Variants in UBE2R2 observed in about 807,000 individuals in gnomAD.
The protein encoded by UBE2R2 is ubiquitin-conjugating enzyme E2 R2.
In UBE2R2, 1 loss-of-function variant was observed where a neutral mutation model predicts 27.8. The ratio of observed to expected loss-of-function variants is 0.04; its 90% confidence interval spans 0.01 to 0.17. The LOEUF (loss-of-function observed/expected upper bound fraction) is 0.17, where lower values mean the gene tolerates loss of function less well. UBE2R2 is among the 10% of genes least tolerant of loss of function. The pLI, the probability that UBE2R2 is intolerant of heterozygous loss-of-function variation, is 1.00. For missense variants in UBE2R2, 100 were observed against 291.0 expected (o/e 0.34, Z 4.78); for synonymous variants, 106 against 113.3 (o/e 0.94, Z 0.41).
intron 2 of UBE2R2, among the ~76,000 whole-genome samples, chr9:33,893,201 A>G (rs763969489): frequency 5.9e-5 from 9 of 152,204 alleles, no homozygotes; most frequent in Non-Finnish European, 1.3e-4. Flanking sequence ...AAAATACACT[A>G]CATATGAAGT....
At position 33,871,837 on chromosome 9, in the gene UBE2R2, A is replaced by G. The variant is rs370574986; in HGVS notation, c.178-15044A>G. 8.5e-4 allele frequency among the ~76,000 whole-genome samples: 130 copies of G among 152,266 alleles called. 3 individuals carry two copies. In the South Asian group the frequency reaches 0.026, roughly 30 times the overall value. ...GCAATTCTCCAGCCTCAGCCTCCTGAGTAGCTGGGACTACAGGTGTGTGCC... is the reference window on the plus strand; with the variant it reads ...GCAATTCTCCAGCCTCAGCCTCCTGGGTAGCTGGGACTACAGGTGTGTGCC... On this transcript the variant is annotated intron_variant, in intron 1 of 4. Coordinates refer to ENST00000263228, the MANE Select transcript of UBE2R2 (RefSeq NM_017811.4).
intron 1 of UBE2R2, among the ~76,000 whole-genome samples, chr9:33,826,464 C>T (rs981589629): frequency 1.3e-5 from 2 of 151,044 alleles, no homozygotes; most frequent in Admixed American, 6.6e-5. Flanking sequence ...TTTGGGAGGC[C>T]GAGGCAGGCG....
chr9:33,875,284 G>A (rs1385790859), intron 1 of UBE2R2, among the ~76,000 whole-genome samples: 3 of 152,076 alleles, frequency 2.0e-5, no homozygotes, highest in African/African-American at 4.8e-5. Flanking sequence ...AATTTAGTTT[G>A]TTCAAATCAT....
At chr9:33,903,307 T>C (rs764057536) in intron 3 of UBE2R2, among the ~76,000 whole-genome samples, 13 of 152,202 alleles carry the variant, frequency 8.5e-5, no homozygotes, top group Non-Finnish European at 1.9e-4. Flanking sequence ...ATGATTCTGG[T>C]GCATGGATTT....
At chr9:33,883,774 A>G (rs1821787504) in intron 1 of UBE2R2, among the ~76,000 whole-genome samples, 1 of 151,886 alleles carries the variant, frequency 6.6e-6, no homozygotes, top group Non-Finnish European at 1.5e-5. Flanking sequence ...CTATCTTCAA[A>G]TTCACTATTT....
chr9:33,864,518 T>C, intron 1 of UBE2R2, among the ~76,000 whole-genome samples: 1 of 152,180 alleles, frequency 6.6e-6, no homozygotes, highest in Non-Finnish European at 1.5e-5. Flanking sequence ...CCTTTTCAAC[T>C]CTTCTGGAAT....
intron 1 of UBE2R2, among the ~76,000 whole-genome samples, chr9:33,839,995 C>T (rs1001538883): frequency 6.8e-6 from 1 of 147,612 alleles, no homozygotes; most frequent in Non-Finnish European, 1.5e-5. Flanking sequence ...GACCCTGACT[C>T]TTAAAAAAAA....
At chr9:33,896,856 TTGTC>T (rs1413116603) in intron 2 of UBE2R2, among the ~76,000 whole-genome samples, 1 of 151,882 alleles carries the variant, frequency 6.6e-6, no homozygotes, top group African/African-American at 2.4e-5. Flanking sequence ...GTCAAATCCA[TTGTC>T]TGTGTCAATT....
intron 1 of UBE2R2, among the ~76,000 whole-genome samples, chr9:33,859,108 G>A (rs1029020549): frequency 1.3e-5 from 2 of 152,116 alleles, no homozygotes; most frequent in Non-Finnish European, 2.9e-5. Flanking sequence ...ACAGACATGA[G>A]CCACCATGTC....
At chr9:33,857,460 A>G (rs1821132969) in intron 1 of UBE2R2, among the ~76,000 whole-genome samples, 1 of 152,010 alleles carries the variant, frequency 6.6e-6, no homozygotes, top group Non-Finnish European at 1.5e-5. Flanking sequence ...CTGGAATTAC[A>G]GGTGTGCGCC....
chr9:33,878,059 C>G (rs1386429447), intron 1 of UBE2R2, among the ~76,000 whole-genome samples: 2 of 152,070 alleles, frequency 1.3e-5, no homozygotes, highest in Admixed American at 1.3e-4. Flanking sequence ...ACCCATCCAC[C>G]TATTTATATT....
intron 2 of UBE2R2, among the ~76,000 whole-genome samples, chr9:33,894,745 A>G (rs1822063973): frequency 6.6e-6 from 1 of 152,174 alleles, no homozygotes; most frequent in Non-Finnish European, 1.5e-5. Context: ...AAAAATTTTA[A>G]AATTGTCCAG....
chr9:33,818,666 C>T (rs1343928641), intron 1 of UBE2R2: 2 of 152,102 alleles, frequency 1.3e-5, no homozygotes, highest in East Asian at 3.9e-4. Flanking sequence ...TTGTCCTCAC[C>T]ATGCCACCAA....
intron 1 of UBE2R2, among the ~76,000 whole-genome samples, chr9:33,831,664 ATTTG>A (rs1563982029): frequency 6.7e-6 from 1 of 150,288 alleles, no homozygotes; most frequent in East Asian, 2.0e-4. Flanking sequence ...ATTTTATTTT[ATTTG>A]TTTGTTTTTG....
intron 1 of UBE2R2, among the ~76,000 whole-genome samples, chr9:33,818,260 CTAT>C (rs1563977503): frequency 1.3e-5 from 2 of 151,774 alleles, no homozygotes; most frequent in African/African-American, 4.8e-5. Flanking sequence ...GAGCGGTGGT[CTAT>C]CTGTGCTTTT....
intron 3 of UBE2R2, among the ~76,000 whole-genome samples, chr9:33,910,399 A>G (rs1197374798): frequency 6.6e-6 from 1 of 151,766 alleles, no homozygotes; most frequent in East Asian, 1.9e-4. Flanking sequence ...TGCCTGCCTC[A>G]GCCTCCCAAA....
chr9:33,884,715 A>G (rs1821819586), intron 1 of UBE2R2, among the ~76,000 whole-genome samples: 1 of 151,772 alleles, frequency 6.6e-6, no homozygotes, highest in Non-Finnish European at 1.5e-5. Context: ...AGATAAGCTG[A>G]TTTAGTCTTT....
chr9:33,841,245 A>G (rs962269731), intron 1 of UBE2R2, among the ~76,000 whole-genome samples: 7 of 151,948 alleles, frequency 4.6e-5, no homozygotes, highest in African/African-American at 1.5e-4. Context: ...ATGCCTGGCT[A>G]ATTTTTGGAT....
chr9:33,842,521 A>G (rs1443882860), intron 1 of UBE2R2, among the ~76,000 whole-genome samples: 2 of 152,214 alleles, frequency 1.3e-5, no homozygotes, highest in Non-Finnish European at 2.9e-5. Flanking sequence ...TAATTGCATC[A>G]CTTAATAAGG....
Sources: gnomAD v4.1 joint callset for allele counts (sites outside exome capture counted in the v4.1 genomes callset) on GRCh38, gnomAD v4.1.1 for gene constraint, MANE v1.5 for transcripts, NCBI Gene and HGNC (gene_info 2026-07-23, HGNC 2026-07-21) for gene names.